The following RCVRN variants were observed in gnomAD, a reference collection of about 807,000 sequenced individuals.
The protein encoded by RCVRN is recoverin.
In RCVRN, 23 loss-of-function variants were observed where a neutral mutation model predicts 20.4. The observed-to-expected ratio is 1.13, with a 90% CI of 0.81 to 1.60. The LOEUF (loss-of-function observed/expected upper bound fraction) is 1.60. RCVRN is among the 40% of genes most tolerant of loss of function. RCVRN has a pLI of 0.00. For missense variants in RCVRN, 254 were observed against 254.2 expected (o/e 1.00, Z 0.00); for synonymous variants, 105 against 105.9 (o/e 0.99, Z 0.05).
Position 9,905,268 on chromosome 17 carries a change from G to A in RCVRN, c.-88C>T. 1.2e-5 allele frequency: 16 copies of A among 1,381,136 alleles called. No homozygotes were observed. The highest frequency in any genetic ancestry group is 1.5e-5 in the Non-Finnish European group (16 of 1,037,124). The allele number at this position is 1,381,136 out of a possible 1,614,324, so 85.6% of individuals were successfully genotyped here. ...TGGCCGCAGGCTGGGCTCAAGGCTG[G>A]TGTGAGCTGAAGACCGAGATGCTGG... On this transcript the variant is annotated 5_prime_UTR_variant, in exon 1 of 3. Coordinates refer to ENST00000226193, the MANE Select transcript of RCVRN (RefSeq NM_002903.3).
rs765269076 is a variant in RCVRN at position 9,898,062 on chromosome 17, G to T, written c.*33C>A. The stretch of plus-strand genomic sequence containing the variant: ...GGCGCTCACGGGTGTCATGTGAGTG[G>T]TAGGTGGAGGGAGGACAGCTGAACA... On this transcript the variant is annotated 3_prime_UTR_variant, in exon 3 of 3. Transcript: ENST00000226193. 10 of 1,444,132 alleles carry T rather than the reference G, an allele frequency of 6.9e-6. No individual in the cohort carries two copies. Among genetic ancestry groups the T allele is most frequent in the Non-Finnish European group, 9.8e-6 (10 of 1,025,408 alleles). 89.5% of individuals were successfully genotyped at this position (1,444,132 alleles called of 1,614,324 possible). A position where few individuals can be genotyped will look rare whatever the true frequency, so the allele number is the denominator to read the frequency against.
At chr17:9,903,469 G>A (rs776072624) in intron 1 of RCVRN, among the ~76,000 whole-genome samples, 2 of 152,192 alleles carry the variant, frequency 1.3e-5, no homozygotes, top group Non-Finnish European at 2.9e-5. Flanking sequence ...GCCATGATCC[G>A]CCCCGCGCTG....
chr17:9,905,211 G>A lies in RCVRN; in HGVS notation c.-31C>T. The A allele has an allele frequency of 6.4e-7, 1 of 1,571,906 alleles. No individual in the cohort carries two copies. The highest frequency in any genetic ancestry group is 8.6e-7 in the Non-Finnish European group (1 of 1,160,712). On this transcript the variant is annotated 5_prime_UTR_variant, in exon 1 of 3. Transcript: ENST00000226193. ...AGGAAGAGTGGGCAGCGGCTGGGGAGTCGCTGGGTGGGTGGGACGTGCGTG... is the reference window on the plus strand; with the variant it reads ...AGGAAGAGTGGGCAGCGGCTGGGGAATCGCTGGGTGGGTGGGACGTGCGTG...
In RCVRN at chr17:9,899,745, T is replaced by C. The variant is rs1441088741; in HGVS notation, c.493+1244A>G. Among the ~76,000 whole-genome samples, 1 of 152,140 alleles carries C rather than the reference T, an allele frequency of 6.6e-6. No homozygotes were observed. Among genetic ancestry groups the C allele is most frequent in the East Asian group, 1.9e-4 (1 of 5,184 alleles). Reference sequence around the variant, plus strand: ...CTCACTTTCAGGTCCTGTGAGTGCATTGTTGACCCCTGAGAACGAGCGCCT... The same window carrying C: ...CTCACTTTCAGGTCCTGTGAGTGCACTGTTGACCCCTGAGAACGAGCGCCT... On this transcript the variant is annotated intron_variant, in intron 2 of 2. Transcript: ENST00000226193. The surrounding 1 kb of genome is among the most constrained non-coding windows in gnomAD (Gnocchi z 4.6).
chr17:9,900,883 C>T, intron 2 of RCVRN, 106 bp downstream of exon 2: 1 of 689,908 alleles, frequency 1.4e-6, no homozygotes, highest in Non-Finnish European at 2.6e-6. Context: ...TGAGGTGTCC[C>T]CCATCCTGCC....
intron 1 of RCVRN, among the ~76,000 whole-genome samples, chr17:9,903,442 G>A (rs897954652): frequency 1.3e-5 from 2 of 152,212 alleles, no homozygotes; most frequent in East Asian, 1.9e-4. Context: ...CGTGGGAAGC[G>A]GGGGCTCATG....
Position 9,905,133 on chromosome 17 carries a change from C to T in RCVRN, c.48G>A (p.Glu16=), listed in dbSNP as rs1250816257. 1 of 1,610,764 alleles carries T rather than the reference C, an allele frequency of 6.2e-7. No homozygotes were observed. Among genetic ancestry groups the T allele is most frequent in the African/African-American group, 1.3e-5 (1 of 74,844 alleles). ...CCGAGAACTTGGTGTTCAGCTGCAGCTCCTCCAGGATCTCCTTGGACAGGG... is the reference window on the plus strand; with the variant it reads ...CCGAGAACTTGGTGTTCAGCTGCAGTTCCTCCAGGATCTCCTTGGACAGGG... ...SGALSKEILE[E]LQLNTKFSEE... Residue 16 remains glutamate, a synonymous_variant, in exon 1 of 3, where the codon GAG becomes GAA. Transcript: ENST00000226193.
intron 1 of RCVRN, among the ~76,000 whole-genome samples, chr17:9,903,684 G>A (rs990205052): frequency 4.6e-5 from 7 of 152,166 alleles, no homozygotes; most frequent in African/African-American, 1.2e-4. Context: ...GTCACGTGTC[G>A]CTCAGAGACA....
chr17:9,901,114 A>G lies in RCVRN; in HGVS notation c.382-14T>C, dbSNP rs755959411. 20 of 1,497,160 alleles carry G rather than the reference A, an allele frequency of 1.3e-5. No individual in the cohort carries two copies. Among genetic ancestry groups the G allele is most frequent in the Admixed American group, 1.8e-5 (1 of 55,966 alleles). 92.7% of individuals were successfully genotyped at this position (1,497,160 alleles called of 1,614,324 possible). On this transcript the variant is annotated splice_polypyrimidine_tract_variant and intron_variant, in intron 1 of 2. Transcript: ENST00000226193. ...TTTGAAAATAGCCTGTACCAAACAG[A>G]AAGAAAGAACTCGTTAGGAGGAACT...
Position 9,901,859 on chromosome 17 carries a change from A to G in RCVRN, c.382-759T>C, listed in dbSNP as rs1267671133. Among the ~76,000 whole-genome samples the G allele has an allele frequency of 2.0e-5, 3 of 152,232 alleles. No homozygotes were observed. In the East Asian group the frequency reaches 5.8e-4, roughly 29 times the overall value. ...ATGGTTTTCCCACAGCAACACTGCT[A>G]GTTGGAGTCAGAGCTGGGACTAGAA... On this transcript the variant is annotated intron_variant, in intron 1 of 2. Coordinates refer to ENST00000226193, the MANE Select transcript of RCVRN (RefSeq NM_002903.3).
rs778562139 is a variant in RCVRN, at chr17:9,898,194, T to C, written c.504A>G (p.Thr168=). ...GTGTCCCCTCAATGAATTCTTTCTC[T>C]GTAAGTTTATCTGTGCATTGGGAAA... ...YFGKNDDDKL[T]EKEFIEGTLA... is the part of the protein sequence containing the mutation. Residue 168 remains threonine, a synonymous_variant, in exon 3 of 3, where the codon ACA becomes ACG. Coordinates refer to ENST00000226193, the MANE Select transcript of RCVRN (RefSeq NM_002903.3). 1.4e-5 allele frequency: 22 copies of C among 1,609,816 alleles called. No individual in the cohort carries two copies. The Admixed American group carries it at 2.0e-4, about 15-fold the overall frequency.
In RCVRN at chr17:9,896,710, T is replaced by A. The variant is rs1160754000; in HGVS notation, c.*1385A>T. The A allele has an allele frequency of 1.3e-5, 2 of 152,290 alleles. No individual in the cohort carries two copies. The highest frequency in any genetic ancestry group is 4.8e-5 in the African/African-American group (2 of 41,462). 9.4% of individuals were successfully genotyped at this position (152,290 alleles called of 1,614,324 possible). A position where few individuals can be genotyped will look rare whatever the true frequency, so the allele number is the denominator to read the frequency against. ...CTGCCCTTGGGCAAGCTGCTTCCTG[T>A]CATTGGGACTCCTTTTCCTTGTCTC... On this transcript the variant is annotated 3_prime_UTR_variant, in exon 3 of 3. Coordinates refer to ENST00000226193, the MANE Select transcript of RCVRN (RefSeq NM_002903.3).
rs2067331849 is a variant in RCVRN, at chr17:9,899,335, C to CT, written c.494-1132dup. On this transcript the variant is annotated intron_variant, in intron 2 of 2. Transcript: ENST00000226193. The surrounding 1 kb of genome is among the most constrained non-coding windows in gnomAD (Gnocchi z 4.6). ...AACATCCCAGCCACCCCACAGAGAG[C>CT]TCACAGAGAGCTTGAAACTCCCACC... Among the ~76,000 whole-genome samples, 1 of 152,174 alleles carries CT rather than the reference C, an allele frequency of 6.6e-6. No individual in the cohort carries two copies. The highest frequency in any genetic ancestry group is 1.5e-5 in the Non-Finnish European group (1 of 68,042).
At chr17:9,900,334 C>T (rs1294245415) in intron 2 of RCVRN, among the ~76,000 whole-genome samples, 3 of 152,180 alleles carry the variant, frequency 2.0e-5, no homozygotes, top group Non-Finnish European at 2.9e-5. Flanking sequence ...TGCAGGATCA[C>T]ACTTCCTGGG....
Position 9,904,279 on chromosome 17 carries a change from T to C in RCVRN, c.381+521A>G, listed in dbSNP as rs1342163917. 6.6e-6 allele frequency among the ~76,000 whole-genome samples: 1 copy of C among 152,070 alleles called. No homozygotes were observed. The highest frequency in any genetic ancestry group is 1.5e-5 in the Non-Finnish European group (1 of 68,010). ...AATAAAAAACCAAGATACAAAATGGTAGACCTGTCTAGGGCACTCACCATG... is the reference window on the plus strand; with the variant it reads ...AATAAAAAACCAAGATACAAAATGGCAGACCTGTCTAGGGCACTCACCATG... On this transcript the variant is annotated intron_variant, in intron 1 of 2. Coordinates refer to ENST00000226193, the MANE Select transcript of RCVRN (RefSeq NM_002903.3). The surrounding 1 kb of genome is among the most constrained non-coding windows in gnomAD (Gnocchi z 5.8).
Position 9,897,868 on chromosome 17 carries a change from G to T in RCVRN, c.*227C>A. The T allele has an allele frequency of 1.9e-6, 1 of 530,518 alleles. No homozygotes were observed. The highest frequency in any genetic ancestry group is 3.4e-6 in the Non-Finnish European group (1 of 296,030). 32.9% of individuals were successfully genotyped at this position (530,518 alleles called of 1,614,324 possible). Reference sequence around the variant, plus strand: ...AGGGGTGGGACCGGGCATGATGGGAGGGAATGCTGAAGACCCAGGAAGAAG... The same window carrying T: ...AGGGGTGGGACCGGGCATGATGGGATGGAATGCTGAAGACCCAGGAAGAAG... On this transcript the variant is annotated 3_prime_UTR_variant, in exon 3 of 3. Transcript: ENST00000226193.
At position 9,897,982 on chromosome 17, in the gene RCVRN, ATGTG is replaced by A. The variant is rs150159863; in HGVS notation, c.*109_*112del. 2.5e-4 allele frequency: 164 copies of A among 647,896 alleles called. No homozygotes were observed. The highest frequency in any genetic ancestry group is 3.2e-4 in the South Asian group (18 of 55,578). 40.1% of individuals were successfully genotyped at this position (647,896 alleles called of 1,614,324 possible). A position where few individuals can be genotyped will look rare whatever the true frequency, so the allele number is the denominator to read the frequency against. On this transcript the variant is annotated 3_prime_UTR_variant, in exon 3 of 3. Transcript: ENST00000226193. ...GGCCTTTCTCTTGGCCCTGGGGTGG[ATGTG>A]TGTGTGTGTGTGTGCGCGCGCGTGT...
chr17:9,897,992 G>A lies in RCVRN; in HGVS notation c.*103C>T, dbSNP rs1597414024. The A allele has an allele frequency of 1.3e-6, 1 of 748,278 alleles. No homozygotes were observed. The highest frequency in any genetic ancestry group is 1.5e-5 in the South Asian group (1 of 65,748). The allele number at this position is 748,278 out of a possible 1,614,324, so 46.4% of individuals were successfully genotyped here. A position where few individuals can be genotyped will look rare whatever the true frequency, so the allele number is the denominator to read the frequency against. On this transcript the variant is annotated 3_prime_UTR_variant, in exon 3 of 3. Coordinates refer to ENST00000226193, the MANE Select transcript of RCVRN (RefSeq NM_002903.3). ...TTGGCCCTGGGGTGGATGTGTGTGT[G>A]TGTGTGTGCGCGCGCGTGTGTGTGC...
At chr17:9,898,662 G>A (rs1453704694) in intron 2 of RCVRN, among the ~76,000 whole-genome samples, 1 of 152,232 alleles carries the variant, frequency 6.6e-6, no homozygotes, top group African/African-American at 2.4e-5. Context: ...AGTCTCAGCT[G>A]AGAAGCAGGG....
Sources: gnomAD v4.1 joint callset for allele counts (sites outside exome capture counted in the v4.1 genomes callset) on GRCh38, gnomAD v4.1.1 for gene constraint, Gnocchi (gnomAD v3.1) non-coding constraint, MANE v1.5 for transcripts, NCBI Gene and HGNC (gene_info 2026-07-23, HGNC 2026-07-21) for gene names.